Variants in ZBTB20 observed in about 807,000 individuals in gnomAD.
ZBTB20 encodes zinc finger and BTB domain containing 20, also known as zinc finger and BTB domain-containing protein 20.
Under a neutral mutation model 56.9 loss-of-function variants are expected in ZBTB20, and 9 were observed. That is an observed-to-expected ratio of 0.16 (90% CI 0.10 to 0.28). The LOEUF is 0.28. Ranked by LOEUF, ZBTB20 falls within the 10% of genes least tolerant of loss-of-function variation. ZBTB20 has a pLI of 1.00. For missense variants in ZBTB20, 655 were observed against 1,003.0 expected, an observed-to-expected ratio of 0.65 and a Z score of 4.69; for synonymous variants, 417 against 420.7, an observed-to-expected ratio of 0.99 and a Z score of 0.11.
At chr3:114,690,658 T>C (rs1319175495) in intron 6 of ZBTB20, among the ~76,000 whole-genome samples, 3 of 152,162 alleles carry the variant, frequency 2.0e-5, no homozygotes, top group African/African-American at 7.2e-5. Context: ...CATAATTTCT[T>C]TCCCCCCAAA....
intron 2 of ZBTB20, among the ~76,000 whole-genome samples, chr3:114,981,558 A>G (rs2078329100): frequency 6.6e-6 from 1 of 152,024 alleles, no homozygotes; most frequent in African/African-American, 2.4e-5. Context: ...ACTTCTAAAG[A>G]TTAACAGATA....
intron 3 of ZBTB20, chr3:114,931,438 G>T: frequency 5.1e-6 from 1 of 197,562 alleles, no homozygotes; most frequent in Non-Finnish European, 1.0e-5. Context: ...TGCACCCGAG[G>T]CAGAAGAAGG....
chr3:114,585,442 C>G (rs1422126940), intron 6 of ZBTB20, among the ~76,000 whole-genome samples: 2 of 152,086 alleles, frequency 1.3e-5, no homozygotes, highest in African/African-American at 4.8e-5. Context: ...TTTCCCATCT[C>G]ATATCATTCT....
intron 10 of ZBTB20, among the ~76,000 whole-genome samples, chr3:114,362,531 T>C (rs956042882): frequency 4.6e-5 from 7 of 152,228 alleles, no homozygotes; most frequent in Non-Finnish European, 1.0e-4. Context: ...TTCTGTGTAA[T>C]GCTCTTCTTC....
At chr3:114,709,155 AC>A (rs2063894503) in intron 5 of ZBTB20, among the ~76,000 whole-genome samples, 1 of 152,272 alleles carries the variant, frequency 6.6e-6, no homozygotes, top group Admixed American at 6.5e-5. Context: ...TAGAAAAAAT[AC>A]CAATTTCTCT....
chr3:114,560,042 T>A (rs1303075920), intron 6 of ZBTB20, among the ~76,000 whole-genome samples: 1 of 152,192 alleles, frequency 6.6e-6, no homozygotes, highest in Non-Finnish European at 1.5e-5. Context: ...AATTTTATAT[T>A]TATCAGCATT....
At chr3:115,003,366 G>A (rs1319715787) in intron 2 of ZBTB20, among the ~76,000 whole-genome samples, 2 of 151,530 alleles carry the variant, frequency 1.3e-5, no homozygotes, top group African/African-American at 4.8e-5. Flanking sequence ...AAAGTGGGGA[G>A]GAGAAGGGTG....
At chr3:114,545,580 G>T (rs1486640729) in intron 6 of ZBTB20, among the ~76,000 whole-genome samples, 1 of 152,156 alleles carries the variant, frequency 6.6e-6, no homozygotes, top group Non-Finnish European at 1.5e-5. Context: ...ATAAGGTAGA[G>T]ATTAGCAATA....
rs2079191256 is a variant in ZBTB20 at position 114,329,905 on chromosome 3, CT to C, written c.*9099del. ...CAACTAGGTAATTCACTGTCTTACG[CT>C]TTTCAGAAGACTGGCCCTTTGAAAC... On this transcript the variant is annotated 3_prime_UTR_variant, in exon 12 of 12. Coordinates refer to ENST00000675478, the MANE Select transcript of ZBTB20 (RefSeq NM_001348800.3). 1 of 152,158 alleles carries C rather than the reference CT, an allele frequency of 6.6e-6. No individual in the cohort carries two copies. Among genetic ancestry groups the C allele is most frequent in the Non-Finnish European group, 1.5e-5 (1 of 68,016 alleles). 9.4% of individuals were successfully genotyped at this position (152,158 alleles called of 1,614,324 possible).
At chr3:114,920,534 T>A (rs1458118949) in intron 3 of ZBTB20, among the ~76,000 whole-genome samples, 1 of 152,160 alleles carries the variant, frequency 6.6e-6, no homozygotes, top group East Asian at 1.9e-4. Context: ...AATACACTTC[T>A]TAACAGCCAA....
intron 4 of ZBTB20, among the ~76,000 whole-genome samples, chr3:114,847,901 G>A (rs2074797842): frequency 6.6e-6 from 1 of 152,140 alleles, no homozygotes; most frequent in Non-Finnish European, 1.5e-5. Flanking sequence ...TATACATACT[G>A]CATTAAAATC....
At chr3:115,095,265 T>C (rs752867933) in intron 1 of ZBTB20, among the ~76,000 whole-genome samples, 1 of 152,156 alleles carries the variant, frequency 6.6e-6, no homozygotes, top group Non-Finnish European at 1.5e-5. Flanking sequence ...CTTGTCTCAG[T>C]ATTCTCACTT....
At chr3:115,076,323 T>A (rs60011623) in intron 1 of ZBTB20, among the ~76,000 whole-genome samples, 13,553 of 151,938 alleles carry the variant, frequency 0.089, 1,760 homozygotes, top group African/African-American at 0.29. Context: ...AAAACAAAAA[T>A]AATCAAAACA....
chr3:114,837,630 C>T (rs2074185244), intron 4 of ZBTB20, among the ~76,000 whole-genome samples: 1 of 152,060 alleles, frequency 6.6e-6, no homozygotes, highest in African/African-American at 2.4e-5. Context: ...TGCTTTTTCT[C>T]AGGGAGAGCA....
At chr3:114,826,559 A>G (rs1487883458) in intron 4 of ZBTB20, among the ~76,000 whole-genome samples, 3 of 151,812 alleles carry the variant, frequency 2.0e-5, no homozygotes, top group Non-Finnish European at 4.4e-5. Context: ...ATTTTGAAGT[A>G]CAGAATCTCA....
At chr3:114,611,102 C>G (rs995385801) in intron 6 of ZBTB20, among the ~76,000 whole-genome samples, 2 of 152,136 alleles carry the variant, frequency 1.3e-5, no homozygotes, top group Non-Finnish European at 2.9e-5. Flanking sequence ...GGGACTATCT[C>G]AAGCATATAA....
At chr3:114,692,943 CT>C (rs1236127710) in intron 6 of ZBTB20, among the ~76,000 whole-genome samples, 1 of 151,986 alleles carries the variant, frequency 6.6e-6, no homozygotes, top group Non-Finnish European at 1.5e-5. Flanking sequence ...GGGTATTTTC[CT>C]TTTTTGCTTG....
intron 3 of ZBTB20, among the ~76,000 whole-genome samples, chr3:114,920,245 A>G (rs1475396998): frequency 1.3e-5 from 2 of 152,214 alleles, no homozygotes; most frequent in African/African-American, 4.8e-5. Context: ...CCAGGGAAAC[A>G]GTGGTCTTTA....
intron 2 of ZBTB20, among the ~76,000 whole-genome samples, chr3:115,044,748 G>A (rs776841784): frequency 2.0e-5 from 3 of 152,170 alleles, no homozygotes; most frequent in Non-Finnish European, 4.4e-5. Flanking sequence ...CAAAGTTATC[G>A]AGAACACAAG....
Sources: allele counts gnomAD v4.1 joint callset (sites outside exome capture counted in the v4.1 genomes callset), GRCh38; gene constraint gnomAD v4.1.1; transcripts MANE v1.5; gene names NCBI Gene and HGNC (gene_info 2026-07-23, HGNC 2026-07-21).